Variants in PRKCH observed in about 807,000 individuals in gnomAD.
The protein encoded by PRKCH is protein kinase C eta.
PRKCH carries 28 observed loss-of-function variants against 82.5 expected under a neutral mutation model. The observed-to-expected ratio is 0.34, with a 90% confidence interval of 0.25 to 0.47. The LOEUF is 0.47. Ranked by LOEUF, PRKCH falls within the 20% of genes least tolerant of loss-of-function variation. The probability of loss-of-function intolerance (pLI) is 1.00; values close to 1 mark genes in which losing one functional copy is unlikely to be tolerated. For synonymous variants in PRKCH, 322 were observed against 327.4 expected, an observed-to-expected ratio of 0.98 and a Z score of 0.18; for missense variants, 705 against 881.8, an observed-to-expected ratio of 0.80 and a Z score of 2.54.
chr14:61,254,257 G>A (rs375533177), intron 1 of PRKCH, among the ~76,000 whole-genome samples: 74 of 152,046 alleles, frequency 4.9e-4, no homozygotes, highest in African/African-American at 1.8e-3. Flanking sequence ...TAAATAACAA[G>A]CTTTTACCTG....
rs117076898 is a variant in PRKCH at position 61,338,074 on chromosome 14, A to G, written c.363+15610A>G. Among the ~76,000 whole-genome samples the G allele has an allele frequency of 8.1e-4, 124 of 152,162 alleles. No individual in the cohort carries two copies. The East Asian group carries it at 0.021, about 26-fold the overall frequency. ...GATTTGCTGGGGCGCTGCTGTTGCA[A>G]ATGTCTGGAGTGAATGAGAATGTGT... On this transcript the variant is annotated intron_variant, in intron 1 of 13. Coordinates refer to ENST00000332981, the MANE Select transcript of PRKCH (RefSeq NM_006255.5).
chr14:61,472,792 A>G (rs1008124155), intron 9 of PRKCH, among the ~76,000 whole-genome samples: 15 of 152,206 alleles, frequency 9.9e-5, no homozygotes, highest in African/African-American at 3.4e-4. Flanking sequence ...TTGAAAGTAG[A>G]CCCTAGCCAA....
chr14:61,256,031 G>A (rs80105411), intron 1 of PRKCH, among the ~76,000 whole-genome samples: 8,737 of 152,214 alleles, frequency 0.057, 320 homozygotes, highest in East Asian at 0.14. Flanking sequence ...TTAGTGGCGC[G>A]AGTCTGGGAT....
At chr14:61,375,546 C>T (rs2046418211) in intron 1 of PRKCH, among the ~76,000 whole-genome samples, 1 of 151,922 alleles carries the variant, frequency 6.6e-6, no homozygotes, top group African/African-American at 2.4e-5. Context: ...GCAGGCTGTA[C>T]AACAGCATGG....
In PRKCH at chr14:61,449,856, GTC is replaced by G. The variant is rs149977373; in HGVS notation, c.702+648_702+649del. On this transcript the variant is annotated intron_variant, in intron 5 of 13. Transcript: ENST00000332981. ...CCTCTTAAGAAATTTCAGGGAAGAT[GTC>G]TCTCTCTCTCTCTCTCTCTCTCTCT... Among the ~76,000 whole-genome samples, 262 of 142,394 alleles carry G rather than the reference GTC, an allele frequency of 1.8e-3. 1 individual carries two copies. Among genetic ancestry groups the G allele is most frequent in the African/African-American group, 7.0e-3 (257 of 36,734 alleles). 93.4% of individuals were successfully genotyped at this position (142,394 alleles called of 152,430 possible).
At chr14:61,415,387 A>G (rs763163516) in intron 2 of PRKCH, among the ~76,000 whole-genome samples, 24 of 152,202 alleles carry the variant, frequency 1.6e-4, no homozygotes, top group Non-Finnish European at 3.5e-4. Flanking sequence ...TCCCACAGCA[A>G]CTTTGACATT....
chr14:61,470,125 T>C (rs563735815), intron 9 of PRKCH, among the ~76,000 whole-genome samples: 1 of 151,470 alleles, frequency 6.6e-6, no homozygotes, highest in East Asian at 2.0e-4. Context: ...GAAGCTGCAT[T>C]TGCATATCAA....
chr14:61,419,481 C>T (rs1045464445), intron 2 of PRKCH, among the ~76,000 whole-genome samples: 1 of 152,190 alleles, frequency 6.6e-6, no homozygotes, highest in Non-Finnish European at 1.5e-5. Flanking sequence ...ATAAGTGGCA[C>T]CCACATTCTC....
chr14:61,539,383 C>G (rs1037529599), intron 12 of PRKCH, among the ~76,000 whole-genome samples: 1 of 152,172 alleles, frequency 6.6e-6, no homozygotes, highest in African/African-American at 2.4e-5. Context: ...TGAGCACTGC[C>G]CCTGCCCGCT....
chr14:61,468,709 A>T (rs145307135), intron 9 of PRKCH, among the ~76,000 whole-genome samples: 1 of 152,278 alleles, frequency 6.6e-6, no homozygotes, highest in African/African-American at 2.4e-5. Flanking sequence ...TTCTGTTGTA[A>T]CTGGTCTTGT....
At chr14:61,242,771 A>G (rs1203267992) in intron 1 of PRKCH, among the ~76,000 whole-genome samples, 1 of 152,200 alleles carries the variant, frequency 6.6e-6, no homozygotes, top group Non-Finnish European at 1.5e-5. Context: ...ATAGGGTTAT[A>G]GATTATTTTA....
chr14:61,254,912 C>A (rs2044983974), intron 1 of PRKCH, among the ~76,000 whole-genome samples: 1 of 152,170 alleles, frequency 6.6e-6, no homozygotes, highest in Admixed American at 6.5e-5. Flanking sequence ...TTCATTCCTC[C>A]TTCACCAGCT....
At chr14:61,409,703 CAAAAAA>C (rs56238869) in intron 2 of PRKCH, among the ~76,000 whole-genome samples, 1 of 56,112 alleles carries the variant, frequency 1.8e-5, no homozygotes, top group Non-Finnish European at 3.2e-5. Flanking sequence ...GACCCTGTCT[CAAAAAA>C]AAAAAAAAAA....
intron 1 of PRKCH, among the ~76,000 whole-genome samples, chr14:61,272,097 G>A (rs765553290): frequency 4.0e-5 from 6 of 151,658 alleles, no homozygotes; most frequent in African/African-American, 1.2e-4. Flanking sequence ...GCGTGGTGGC[G>A]GGCGCCTGTA....
intron 10 of PRKCH, among the ~76,000 whole-genome samples, chr14:61,506,964 GC>G (rs1178828324): frequency 1.3e-5 from 2 of 152,158 alleles, no homozygotes; most frequent in Admixed American, 1.3e-4. Flanking sequence ...AAACTAAAAA[GC>G]TGCTGCATAG....
intron 10 of PRKCH, among the ~76,000 whole-genome samples, chr14:61,524,469 C>T (rs944705061): frequency 2.6e-5 from 4 of 152,150 alleles, no homozygotes; most frequent in Non-Finnish European, 4.4e-5. Flanking sequence ...GTATTTGAGC[C>T]TCTGCCCTGT....
chr14:61,532,946 T>C (rs118007083), intron 12 of PRKCH, among the ~76,000 whole-genome samples: 179 of 152,314 alleles, frequency 1.2e-3, no homozygotes, highest in Admixed American at 2.0e-3. Context: ...TTACATATCA[T>C]GCGTCTAGCA....
intron 1 of PRKCH, among the ~76,000 whole-genome samples, chr14:61,346,068 A>G (rs1458631214): frequency 6.6e-6 from 1 of 152,148 alleles, no homozygotes; most frequent in African/African-American, 2.4e-5. Flanking sequence ...TAAAGGTTTA[A>G]GAGTTGATAG....
intron 2 of PRKCH, among the ~76,000 whole-genome samples, chr14:61,409,683 G>A (rs1882162118): frequency 8.8e-6 from 1 of 114,252 alleles, no homozygotes; most frequent in Non-Finnish European, 1.7e-5. Flanking sequence ...TAACATGAGT[G>A]ACACAGTGAG....
Sources: allele counts gnomAD v4.1 joint callset (sites outside exome capture counted in the v4.1 genomes callset), GRCh38; gene constraint gnomAD v4.1.1; transcripts MANE v1.5; gene names NCBI Gene and HGNC (gene_info 2026-07-23, HGNC 2026-07-21).